The following RETREG3 variants were observed in gnomAD, a reference collection of about 807,000 sequenced individuals.
RETREG3 encodes reticulophagy regulator family member 3, also known as reticulophagy regulator 3.
Under a neutral mutation model 50.2 loss-of-function variants are expected in RETREG3, and 23 were observed. That is an observed-to-expected ratio of 0.46 (90% CI 0.33 to 0.65). RETREG3 has a LOEUF of 0.65. Ranked by LOEUF, RETREG3 falls within the 30% of genes least tolerant of loss-of-function variation. The pLI, the probability that RETREG3 is intolerant of heterozygous loss-of-function variation, is 0.02. For missense variants in RETREG3, 546 were observed against 598.0 expected (o/e 0.91, Z 0.91); for synonymous variants, 240 against 234.4 (o/e 1.02, Z -0.22).
rs2093111311 is a variant in RETREG3 at position 42,582,377 on chromosome 17, AACCCATGGGACTGGTAT to A, written c.944-124_944-108del. ...ACCCTGGCTTTCTCAGGGCGAAATA[AACCCATGGGACTGGTAT>A]ACCTTTCCCCTCCACTTATAGGTGG... On this transcript the variant is annotated intron_variant, in intron 8 of 8. Transcript: ENST00000309428. 5.4e-6 allele frequency: 6 copies of A among 1,111,368 alleles called. No individual in the cohort carries two copies. The East Asian group carries it at 1.5e-4, about 27-fold the overall frequency. 68.8% of individuals were successfully genotyped at this position (1,111,368 alleles called of 1,614,324 possible).
At chr17:42,597,610 T>C (rs2093149384) in intron 1 of RETREG3, among the ~76,000 whole-genome samples, 1 of 33,684 alleles carries the variant, frequency 3.0e-5, no homozygotes, top group South Asian at 6.6e-4. Flanking sequence ...TATATATATA[T>C]ATATATATAT....
rs1427104509 is a variant in RETREG3, at chr17:42,585,111, A to C, written c.727+14T>G. ...AAATTGCGTAAGTGGAAAGAATGACACCATGACACTTACATTGTCTCTCTC... is the reference window on the plus strand; with the variant it reads ...AAATTGCGTAAGTGGAAAGAATGACCCCATGACACTTACATTGTCTCTCTC... On this transcript the variant is annotated intron_variant, in intron 6 of 8. Coordinates refer to ENST00000309428, the MANE Select transcript of RETREG3 (RefSeq NM_178126.4). The C allele has an allele frequency of 6.2e-7, 1 of 1,611,942 alleles. No individual in the cohort carries two copies. The highest frequency in any genetic ancestry group is 8.5e-7 in the Non-Finnish European group (1 of 1,179,790).
chr17:42,582,664 C>T lies in RETREG3; in HGVS notation c.943+10G>A, dbSNP rs2093112038. 6.2e-7 allele frequency: 1 copy of T among 1,613,920 alleles called. No homozygotes were observed. Among genetic ancestry groups the T allele is most frequent in the Admixed American group, 1.7e-5 (1 of 60,000 alleles). On this transcript the variant is annotated intron_variant, in intron 8 of 8. Coordinates refer to ENST00000309428, the MANE Select transcript of RETREG3 (RefSeq NM_178126.4). The stretch of plus-strand genomic sequence containing the variant: ...AGCCATTATCAACTGAGGTCAAAGG[C>T]TCCCCTCACCTTCAGAGCCTTCCGT...
chr17:42,590,173 C>T (rs1439777831), intron 2 of RETREG3, among the ~76,000 whole-genome samples: 1 of 152,168 alleles, frequency 6.6e-6, no homozygotes, highest in African/African-American at 2.4e-5. Flanking sequence ...CACTGCACTC[C>T]AGCCTGAGCA....
At chr17:42,600,593 G>A (rs2093156653) in intron 1 of RETREG3, among the ~76,000 whole-genome samples, 1 of 151,904 alleles carries the variant, frequency 6.6e-6, no homozygotes, top group Non-Finnish European at 1.5e-5. Flanking sequence ...AAAAGAACTG[G>A]GGTATGGAAG....
intron 6 of RETREG3, 43 bp downstream of exon 6, chr17:42,585,082 C>A: frequency 1.2e-6 from 2 of 1,602,354 alleles, no homozygotes; most frequent in Non-Finnish European, 1.7e-6. Flanking sequence ...CTCCTTTTCG[C>A]CCCAAATTGC....
At chr17:42,586,323 C>G (rs1264623720) in intron 4 of RETREG3, 186 bp from the exon 5 acceptor site, 1 of 597,378 alleles carries the variant, frequency 1.7e-6, no homozygotes, top group Non-Finnish European at 3.0e-6. Context: ...ATTCAAACTC[C>G]TTTTACATGG....
At chr17:42,583,612 C>A in intron 6 of RETREG3, 32 bp from the exon 7 acceptor site, 1 of 1,598,598 alleles carries the variant, frequency 6.3e-7, no homozygotes, top group Non-Finnish European at 8.5e-7. Context: ...TTGCTTGATA[C>A]CTTCTCCCAG....
intron 1 of RETREG3, among the ~76,000 whole-genome samples, chr17:42,597,604 TATATATATATATATA>T (rs1393712245): frequency 2.1e-3 from 21 of 10,128 alleles, no homozygotes; most frequent in Middle Eastern, 0.022. Context: ...TATATATATA[TATATATATATATATA>T]TTTTTTTTTT....
intron 7 of RETREG3, among the ~76,000 whole-genome samples, 181 bp downstream of exon 7, chr17:42,583,317 G>C (rs2093114019): frequency 6.6e-6 from 1 of 152,074 alleles, no homozygotes; most frequent in Non-Finnish European, 1.5e-5. Flanking sequence ...GTTGATTACA[G>C]GAATGATATG....
At chr17:42,588,278 G>C (rs2093125236) in intron 2 of RETREG3, among the ~76,000 whole-genome samples, 1 of 152,218 alleles carries the variant, frequency 6.6e-6, no homozygotes, top group African/African-American at 2.4e-5. Context: ...TTTTGAGACA[G>C]AGTCTTCTCG....
chr17:42,608,858 G>A (rs2143442293), intron 1 of RETREG3: 1 of 539,506 alleles, frequency 1.9e-6, no homozygotes, highest in Non-Finnish European at 3.3e-6. Context: ...AGATGTGCGG[G>A]GCGGGGGTGC....
intron 1 of RETREG3, among the ~76,000 whole-genome samples, chr17:42,592,853 G>A (rs949796184): frequency 6.6e-6 from 1 of 152,162 alleles, no homozygotes; most frequent in Admixed American, 6.5e-5. Flanking sequence ...CTGGGAGGCT[G>A]AGGCATGCCT....
At chr17:42,587,349 T>C (rs912404069) in intron 3 of RETREG3, among the ~76,000 whole-genome samples, 3 of 152,136 alleles carry the variant, frequency 2.0e-5, no homozygotes, top group Non-Finnish European at 4.4e-5. Context: ...AGAAAATTCT[T>C]TGGATCAAAC....
At position 42,607,424 on chromosome 17, in the gene RETREG3, C is replaced by A. The variant is rs2093169755; in HGVS notation, c.239+1662G>T. 2.1e-5 allele frequency among the ~76,000 whole-genome samples: 3 copies of A among 143,928 alleles called. No individual in the cohort carries two copies. The Admixed American group carries it at 2.2e-4, about 11-fold the overall frequency. The allele number at this position is 143,928 out of a possible 152,430, so 94.4% of individuals were successfully genotyped here. A position where few individuals can be genotyped will look rare whatever the true frequency, so the allele number is the denominator to read the frequency against. ...CTGAGGTGGGAAGATTGCTTGAGCC[C>A]AGGAAGTGGAAGTTGCAATGAGCCG... On this transcript the variant is annotated intron_variant, in intron 1 of 8. Transcript: ENST00000309428.
rs1231094499 is a variant in RETREG3, at chr17:42,593,622, T to C, written c.240-1460A>G. On this transcript the variant is annotated intron_variant, in intron 1 of 8. Transcript: ENST00000309428. ...AAGATCGCGCCACTGCACTCCAGCC[T>C]GGGCGACAGAGCAAGACTCCGTCTC... Among the ~76,000 whole-genome samples, 3 of 131,338 alleles carry C rather than the reference T, an allele frequency of 2.3e-5. No homozygotes were observed. The East Asian group carries it at 6.7e-4, about 29-fold the overall frequency. The allele number at this position is 131,338 out of a possible 152,430, so 86.2% of individuals were successfully genotyped here.
intron 7 of RETREG3, among the ~76,000 whole-genome samples, chr17:42,583,098 G>T (rs538498219): frequency 1.3e-5 from 2 of 152,200 alleles, no homozygotes; most frequent in East Asian, 3.9e-4. Context: ...AGTCTTGGGG[G>T]AGTCAATTAC....
chr17:42,589,253 T>C lies in RETREG3; in HGVS notation c.347-1389A>G, dbSNP rs558188861. ...GATGGGCATGTATTTAAAACCTGTA[T>C]ACTCTGGTTTGAATATCTTGCCAAC... On this transcript the variant is annotated intron_variant, in intron 2 of 8. Transcript: ENST00000309428. 1.1e-3 allele frequency among the ~76,000 whole-genome samples: 174 copies of C among 152,286 alleles called. 1 individual carries two copies. In the Middle Eastern group the frequency reaches 0.017, roughly 15 times the overall value.
intron 5 of RETREG3, 122 bp from the exon 6 acceptor site, chr17:42,585,384 G>T: frequency 7.3e-7 from 1 of 1,367,738 alleles, no homozygotes. Context: ...ATCTGCCCAA[G>T]TCTGCCAGTC....
Sources: gnomAD v4.1 joint callset for allele counts (sites outside exome capture counted in the v4.1 genomes callset) on GRCh38, gnomAD v4.1.1 for gene constraint, MANE v1.5 for transcripts, NCBI Gene and HGNC (gene_info 2026-07-23, HGNC 2026-07-21) for gene names.